PRKAR2A: variants seen among roughly 807,000 people sequenced by gnomAD.
PRKAR2A encodes the protein cAMP-dependent protein kinase type II-alpha regulatory subunit.
In PRKAR2A, 29 loss-of-function variants were observed where a neutral mutation model predicts 51.9. The observed-to-expected ratio is 0.56, with a 90% confidence interval of 0.42 to 0.76. The LOEUF (loss-of-function observed/expected upper bound fraction) is 0.76, where lower values mean the gene tolerates loss of function less well. Ranked by LOEUF, PRKAR2A falls within the 30% of genes least tolerant of loss-of-function variation. PRKAR2A has a pLI of 0.00. For synonymous variants in PRKAR2A, 178 were observed against 186.2 expected (o/e 0.96, Z 0.36); for missense variants, 445 against 512.1 (o/e 0.87, Z 1.26).
chr3:48,793,811 C>G (rs2082432797), intron 3 of PRKAR2A, among the ~76,000 whole-genome samples, 186 bp downstream of exon 3: 1 of 152,186 alleles, frequency 6.6e-6, no homozygotes, highest in Non-Finnish European at 1.5e-5. Flanking sequence ...CTTCTGACAG[C>G]TACAGCTAGG....
At chr3:48,791,170 C>A (rs1043030044) in intron 3 of PRKAR2A, among the ~76,000 whole-genome samples, 1 of 150,744 alleles carries the variant, frequency 6.6e-6, no homozygotes, top group African/African-American at 2.4e-5. Context: ...GCCTGTAATC[C>A]CAGCTCCTCA....
At chr3:48,841,175 T>G (rs1287917264) in intron 1 of PRKAR2A, among the ~76,000 whole-genome samples, 1 of 151,752 alleles carries the variant, frequency 6.6e-6, no homozygotes, top group Non-Finnish European at 1.5e-5. Flanking sequence ...CGTGCCATGT[T>G]TTCACCTTTT....
At position 48,750,654 on chromosome 3, in the gene PRKAR2A, T is replaced by C. The variant is rs1020164866; in HGVS notation, c.*931A>G. 1.3e-5 allele frequency: 2 copies of C among 152,642 alleles called. No individual in the cohort carries two copies. The highest frequency in any genetic ancestry group is 4.8e-5 in the African/African-American group (2 of 41,446). The allele number at this position is 152,642 out of a possible 1,614,324, so 9.5% of individuals were successfully genotyped here. On this transcript the variant is annotated 3_prime_UTR_variant, in exon 11 of 11. Coordinates refer to ENST00000265563, the MANE Select transcript of PRKAR2A (RefSeq NM_004157.4). ...CTCTTTCCAGCATACTGCCATCAGC[T>C]AGTAGAGGCAACTGCAAACAAATGG...
chr3:48,803,333 C>A (rs2082620078), intron 2 of PRKAR2A, among the ~76,000 whole-genome samples: 1 of 151,990 alleles, frequency 6.6e-6, no homozygotes, highest in South Asian at 2.1e-4. Flanking sequence ...TCCCCTAAGC[C>A]CAAGATTTCA....
At chr3:48,834,676 T>C (rs949142625) in intron 1 of PRKAR2A, among the ~76,000 whole-genome samples, 2 of 146,586 alleles carry the variant, frequency 1.4e-5, no homozygotes, top group African/African-American at 5.1e-5. Context: ...CAGTAAGCCA[T>C]GATCATCGCT....
chr3:48,772,967 G>T lies in PRKAR2A; in HGVS notation c.684C>A (p.Ser228=). The T allele has an allele frequency of 6.2e-7, 1 of 1,612,180 alleles. No individual in the cohort carries two copies. The highest frequency in any genetic ancestry group is 8.5e-7 in the Non-Finnish European group (1 of 1,179,132). Residue 228 remains serine (S), a synonymous_variant, in exon 6 of 11, where the codon TCC becomes TCA. Transcript: ENST00000265563. The stretch of plus-strand genomic sequence containing the variant: ...TTCTCTCACTCACCAGTCCCCAAAG[G>T]GAGCCTTCTGAGGTAGCAACAATGG... ...AATIVATSEG[S]LWGLDRVTFR...
downstream of PRKAR2A, among the ~76,000 whole-genome samples, chr3:48,746,403 A>C (rs1559594536): frequency 6.7e-6 from 1 of 148,264 alleles, no homozygotes; most frequent in Non-Finnish European, 1.5e-5. Flanking sequence ...ATACACACAC[A>C]CCCTACTGAC....
chr3:48,810,737 A>G lies in PRKAR2A; in HGVS notation c.263-3053T>C, dbSNP rs761175547. ...TGTGCATATGTACATACATGTGTAT[A>G]TGCAAACGCCATAATCATTATATTA... On this transcript the variant is annotated intron_variant, in intron 1 of 10. Transcript: ENST00000265563. 7.6e-4 allele frequency among the ~76,000 whole-genome samples: 115 copies of G among 152,240 alleles called. 1 individual carries two copies. The highest frequency in any genetic ancestry group is 3.1e-4 in the Non-Finnish European group (21 of 68,054).
At chr3:48,785,023 G>A (rs1490436042) in intron 4 of PRKAR2A, among the ~76,000 whole-genome samples, 2 of 151,580 alleles carry the variant, frequency 1.3e-5, no homozygotes, top group African/African-American at 4.8e-5. Context: ...GTTGTTAGGT[G>A]ATTTTATATT....
At chr3:48,791,283 C>CT (rs2082379527) in intron 3 of PRKAR2A, among the ~76,000 whole-genome samples, 2 of 65,506 alleles carry the variant, frequency 3.1e-5, no homozygotes, top group Non-Finnish European at 5.4e-5. Context: ...GAGATTCCAT[C>CT]TTAAAAAAAA....
At position 48,773,230 on chromosome 3, in the gene PRKAR2A, T is replaced by TA. The variant is rs550174564; in HGVS notation, c.543-123dup. On this transcript the variant is annotated intron_variant, in intron 5 of 10. Transcript: ENST00000265563. ...TTTCCAATGGAACTTTGCTAGTATA[T>TA]AAAAAAAACATATTTTTGTATTTTG... 286 of 757,828 alleles carry TA rather than the reference T, an allele frequency of 3.8e-4. 1 individual carries two copies. Among genetic ancestry groups the TA allele is most frequent in the African/African-American group, 3.1e-3 (171 of 56,044 alleles). 46.9% of individuals were successfully genotyped at this position (757,828 alleles called of 1,614,324 possible).
chr3:48,801,882 T>C (rs1467390720), intron 2 of PRKAR2A, among the ~76,000 whole-genome samples: 1 of 151,856 alleles, frequency 6.6e-6, no homozygotes, highest in East Asian at 1.9e-4. Flanking sequence ...GATACAGGCA[T>C]GTGCCAGCTA....
At chr3:48,762,557 C>T (rs1399621446) in intron 8 of PRKAR2A, among the ~76,000 whole-genome samples, 1 of 152,084 alleles carries the variant, frequency 6.6e-6, no homozygotes, top group Non-Finnish European at 1.5e-5. Flanking sequence ...ATCGCTTGAA[C>T]CTGGGAGGCA....
At chr3:48,829,869 A>ATT (rs1262187406) in intron 1 of PRKAR2A, among the ~76,000 whole-genome samples, 45 of 76,848 alleles carry the variant, frequency 5.9e-4, no homozygotes, top group African/African-American at 1.5e-3. Context: ...ATATATATAT[A>ATT]TATTTTTTTT....
intron 1 of PRKAR2A, among the ~76,000 whole-genome samples, chr3:48,839,559 C>G (rs373464862): frequency 6.6e-6 from 1 of 152,038 alleles, no homozygotes; most frequent in East Asian, 1.9e-4. Context: ...ACATTAAATA[C>G]GCATTATAAT....
At chr3:48,834,155 A>C (rs2083241817) in intron 1 of PRKAR2A, among the ~76,000 whole-genome samples, 1 of 152,180 alleles carries the variant, frequency 6.6e-6, no homozygotes, top group South Asian at 2.1e-4. Flanking sequence ...CAGCAGTAAA[A>C]GCTCAGAAGG....
chr3:48,805,086 T>C (rs926200119), intron 2 of PRKAR2A, among the ~76,000 whole-genome samples: 1 of 151,968 alleles, frequency 6.6e-6, no homozygotes, highest in African/African-American at 2.4e-5. Context: ...TATTTTTTTT[T>C]AATTTTTTGA....
chr3:48,765,747 A>AAG (rs1390010949), intron 6 of PRKAR2A, among the ~76,000 whole-genome samples: 1 of 150,438 alleles, frequency 6.6e-6, no homozygotes, highest in African/African-American at 2.4e-5. Flanking sequence ...AAAAAAAAAA[A>AAG]AGAGACACCT....
At chr3:48,753,903 T>TC (rs1209656933) in intron 9 of PRKAR2A, among the ~76,000 whole-genome samples, 1 of 149,418 alleles carries the variant, frequency 6.7e-6, no homozygotes, top group Non-Finnish European at 1.5e-5. Context: ...TTGTTTTCTT[T>TC]TTTTTTTTTT....
Sources: allele counts gnomAD v4.1 joint callset (sites outside exome capture counted in the v4.1 genomes callset), GRCh38; gene constraint gnomAD v4.1.1; transcripts MANE v1.5; gene names NCBI Gene and HGNC (gene_info 2026-07-23, HGNC 2026-07-21).